Variants in LTO1 observed in about 807,000 individuals in gnomAD.
LTO1 encodes the protein LTO1 maturation factor of ABCE1, also known as protein LTO1 homolog.
LTO1 carries 18 observed loss-of-function variants against 19.8 expected under a neutral mutation model. The ratio of observed to expected loss-of-function variants is 0.91; its 90% CI spans 0.63 to 1.35. LTO1 has a LOEUF of 1.35. Ranked by LOEUF, LTO1 falls within the 40% of genes most tolerant of loss-of-function variation. The probability of loss-of-function intolerance (pLI) is 0.00; values close to 1 mark genes in which losing one functional copy is unlikely to be tolerated. For missense variants in LTO1, 175 were observed against 167.9 expected (o/e 1.04, Z -0.23); for synonymous variants, 59 against 59.6 (o/e 0.99, Z 0.05).
chr11:69,668,273 T>G (rs900940849), intron 3 of LTO1: 2 of 387,806 alleles, frequency 5.2e-6, no homozygotes, highest in African/African-American at 4.1e-5. Flanking sequence ...GCCAAGGGGC[T>G]GAGGCAGCCA....
intron 1 of LTO1, among the ~76,000 whole-genome samples, chr11:69,674,255 G>A (rs955489608): frequency 1.3e-5 from 2 of 152,114 alleles, no homozygotes; most frequent in African/African-American, 2.4e-5. Flanking sequence ...CAAGTCAACC[G>A]CTTCCAAAAA....
chr11:69,667,978 T>C lies in LTO1; in HGVS notation c.262A>G (p.Met88Val). 1 of 1,580,934 alleles carries C rather than the reference T, an allele frequency of 6.3e-7. No individual in the cohort carries two copies. Among genetic ancestry groups the C allele is most frequent in the Non-Finnish European group, 8.7e-7 (1 of 1,149,700 alleles). ...TCATCATAAGGGAATTTCTGGATCA[T>C]TCCAATCAATGATTCTAAGACCTTC... is the stretch of plus-strand genomic sequence containing the variant. The part of the protein sequence containing the change: ...KMKVLESLIG[M>V]IQKFPYDDPT... The change falls in exon 4 of 5, where the codon ATG becomes GTG. Residue 88 changes from methionine to valine, a missense_variant. By Grantham distance (21) the Met-to-Val change is conservative. Coordinates refer to ENST00000279147, the MANE Select transcript of LTO1 (RefSeq NM_153451.3).
At chr11:69,673,709 T>TC (rs398016560) in intron 1 of LTO1, among the ~76,000 whole-genome samples, 6 of 146,210 alleles carry the variant, frequency 4.1e-5, no homozygotes, top group Non-Finnish European at 8.9e-5. Context: ...TTTTTTTTTT[T>TC]GAGACAGGGT....
intron 1 of LTO1, 142 bp from the exon 2 acceptor site, chr11:69,673,463 A>G: frequency 1.6e-6 from 1 of 613,096 alleles, no homozygotes; most frequent in Non-Finnish European, 2.9e-6. Context: ...GTCAGAAGAC[A>G]CAGATTCCAG....
At position 69,673,220 on chromosome 11, in the gene LTO1, G is replaced by A; in HGVS notation, c.152C>T (p.Ser51Phe). The A allele has an allele frequency of 5.0e-6, 8 of 1,590,356 alleles. No homozygotes were observed. The highest frequency in any genetic ancestry group is 6.9e-6 in the Non-Finnish European group (8 of 1,158,300). Reference sequence around the variant, plus strand: ...CAGATGGGGGTTCCCACTTACCTCAGACCCGATTTTGGCTCCATGCAGCGT... The same window carrying A: ...CAGATGGGGGTTCCCACTTACCTCAAACCCGATTTTGGCTCCATGCAGCGT... Reference protein sequence around the residue: ...HGTLHGAKIGSEIGCYQGFAF... With the variant: ...HGTLHGAKIGFEIGCYQGFAF... Residue 51 changes from serine (S) to phenylalanine (F), a missense_variant, in exon 2 of 5, where the codon TCT (serine) becomes TTT (phenylalanine). Coordinates refer to ENST00000279147, the MANE Select transcript of LTO1 (RefSeq NM_153451.3).
chr11:69,674,486 G>C, intron 1 of LTO1: 1 of 330,716 alleles, frequency 3.0e-6, no homozygotes, highest in Non-Finnish European at 6.0e-6. Context: ...TAATAGTTGT[G>C]TGACCCTGGA....
At chr11:69,672,077 G>A (rs1015162735) in intron 2 of LTO1, 2 of 445,824 alleles carry the variant, frequency 4.5e-6, no homozygotes, top group Non-Finnish European at 8.3e-6. Context: ...CCACCAGGGT[G>A]GCTTTCGTAA....
At position 69,665,845 on chromosome 11, in the gene LTO1, T is replaced by A. The variant is rs1161746493; in HGVS notation, c.*1674A>T. On this transcript the variant is annotated 3_prime_UTR_variant, in exon 5 of 5. Coordinates refer to ENST00000279147, the MANE Select transcript of LTO1 (RefSeq NM_153451.3). ...GTTTAGAGTTCGGGAGGAGGAGACC[T>A]AAGTCCTGTCTTCAAAAACAAAAAG... The A allele has an allele frequency of 3.3e-5, 5 of 152,186 alleles. No homozygotes were observed. The highest frequency in any genetic ancestry group is 5.9e-5 in the Non-Finnish European group (4 of 68,072). The allele number at this position is 152,186 out of a possible 1,614,324, so 9.4% of individuals were successfully genotyped here.
intron 2 of LTO1, chr11:69,672,088 C>T (rs1175500929): frequency 7.0e-6 from 3 of 426,110 alleles, no homozygotes; most frequent in African/African-American, 6.0e-5. Flanking sequence ...GCTTTCGTAA[C>T]CAACAGAATG....
At position 69,666,767 on chromosome 11, in the gene LTO1, AGCCAGAT is replaced by A. The variant is rs1243757353; in HGVS notation, c.*745_*751del. The stretch of plus-strand genomic sequence containing the variant: ...GATCAGGTTGGCCTTTCTTCCTCTC[AGCCAGAT>A]GCCCAGGTAAACTGGCCACCACAGA... On this transcript the variant is annotated 3_prime_UTR_variant, in exon 5 of 5. Transcript: ENST00000279147. 1.3e-5 allele frequency: 2 copies of A among 152,354 alleles called. No individual in the cohort carries two copies. Among genetic ancestry groups the A allele is most frequent in the African/African-American group, 4.8e-5 (2 of 41,398 alleles). 9.4% of individuals were successfully genotyped at this position (152,354 alleles called of 1,614,324 possible). A position where few individuals can be genotyped will look rare whatever the true frequency, so the allele number is the denominator to read the frequency against.
chr11:69,668,630 G>C (rs187693212), intron 3 of LTO1, among the ~76,000 whole-genome samples: 2 of 151,960 alleles, frequency 1.3e-5, no homozygotes, highest in East Asian at 3.9e-4. Flanking sequence ...CTGTAAAATG[G>C]GGGGCATCCC....
At chr11:69,670,465 G>A (rs1003457428) in intron 3 of LTO1, among the ~76,000 whole-genome samples, 5 of 152,236 alleles carry the variant, frequency 3.3e-5, no homozygotes, top group African/African-American at 4.8e-5. Context: ...CCAGCTGCCG[G>A]CCGCTGCCTG....
At chr11:69,667,724 A>G in intron 4 of LTO1, 137 bp from the exon 5 acceptor site, 1 of 730,120 alleles carries the variant, frequency 1.4e-6, no homozygotes, top group Non-Finnish European at 2.4e-6. Flanking sequence ...TTTTCTCTGG[A>G]CTGTCTTCAG....
intron 3 of LTO1, chr11:69,668,322 A>C (rs904224145): frequency 3.6e-6 from 1 of 277,498 alleles, no homozygotes; most frequent in Admixed American, 4.7e-5. Flanking sequence ...ATGCAGAAAC[A>C]GACAGAACTG....
At chr11:69,674,578 G>A in intron 1 of LTO1, 1 of 357,502 alleles carries the variant, frequency 2.8e-6, no homozygotes, top group Non-Finnish European at 5.5e-6. Context: ...GATAACCAGG[G>A]TGGAACGTTT....
chr11:69,673,238 T>C lies in LTO1; in HGVS notation c.134A>G (p.His45Arg), dbSNP rs985594243. ...VMEGRQHGTLHGAKIGSEIGC... is the reference protein window; with the variant it reads ...VMEGRQHGTLRGAKIGSEIGC... ...TACCTCAGACCCGATTTTGGCTCCATGCAGCGTGCCATGCTGCCTTCCCTC... is the reference window on the plus strand; with the variant it reads ...TACCTCAGACCCGATTTTGGCTCCACGCAGCGTGCCATGCTGCCTTCCCTC... The change falls in exon 2 of 5, where the codon CAT (histidine) becomes CGT (arginine). Residue 45 changes from histidine to arginine, a missense_variant. By Grantham distance (29) the His-to-Arg change is conservative. Coordinates refer to ENST00000279147, the MANE Select transcript of LTO1 (RefSeq NM_153451.3). The C allele has an allele frequency of 1.4e-5, 22 of 1,610,060 alleles. No homozygotes were observed. The highest frequency in any genetic ancestry group is 1.9e-5 in the Non-Finnish European group (22 of 1,176,216).
At chr11:69,673,128 C>A in intron 2 of LTO1, 88 bp downstream of exon 2, 1 of 856,784 alleles carries the variant, frequency 1.2e-6, no homozygotes, top group Non-Finnish European at 2.0e-6. Context: ...AAAGGCCTGA[C>A]AATTCTTACT....
In LTO1 at chr11:69,667,337, G is replaced by C. The variant is rs191358711; in HGVS notation, c.*182C>G. ...GGCATGTGTGGCGAGGCCCCAAGAC[G>C]GGCACCAAGGTGACACAGGCAGAAA... On this transcript the variant is annotated 3_prime_UTR_variant, in exon 5 of 5. Coordinates refer to ENST00000279147, the MANE Select transcript of LTO1 (RefSeq NM_153451.3). The C allele has an allele frequency of 1.7e-6, 1 of 600,812 alleles. No individual in the cohort carries two copies. Among genetic ancestry groups the C allele is most frequent in the Non-Finnish European group, 3.0e-6 (1 of 336,756 alleles). The allele number at this position is 600,812 out of a possible 1,614,324, so 37.2% of individuals were successfully genotyped here.
At chr11:69,675,120 C>G in intron 1 of LTO1, 70 bp downstream of exon 1, 1 of 1,425,688 alleles carries the variant, frequency 7.0e-7, no homozygotes, top group Non-Finnish European at 9.8e-7. Flanking sequence ...CGCCCTGGGC[C>G]GCAGCCGGCG....
Sources: allele counts gnomAD v4.1 joint callset (sites outside exome capture counted in the v4.1 genomes callset), GRCh38; gene constraint gnomAD v4.1.1; transcripts MANE v1.5; gene names NCBI Gene and HGNC (gene_info 2026-07-23, HGNC 2026-07-21).